SYT1: variants seen among roughly 807,000 people sequenced by gnomAD.
SYT1 encodes synaptotagmin-1.
A neutral mutation model predicts 44.8 loss-of-function variants in SYT1; 8 were observed. That is an observed-to-expected ratio of 0.18 (90% CI 0.10 to 0.32). The LOEUF is 0.32. Ranked by LOEUF, SYT1 falls within the 10% of genes least tolerant of loss-of-function variation. The pLI, the probability that SYT1 is intolerant of heterozygous loss-of-function variation, is 1.00. For synonymous variants in SYT1, 154 were observed against 188.8 expected (o/e 0.82, Z 1.51); for missense variants, 286 against 509.3 (o/e 0.56, Z 4.22).
At chr12:78,949,798 G>C (rs1168449230) in intron 1 of SYT1, among the ~76,000 whole-genome samples, 1 of 151,928 alleles carries the variant, frequency 6.6e-6, no homozygotes, top group Non-Finnish European at 1.5e-5. Context: ...GAGGATAGTA[G>C]GGCAGTTCCA....
intron 3 of SYT1, among the ~76,000 whole-genome samples, chr12:79,128,205 G>T (rs1868567466): frequency 6.6e-6 from 1 of 152,044 alleles, no homozygotes; most frequent in South Asian, 2.1e-4. Flanking sequence ...ACCAGCCTGG[G>T]CAACATAAGG....
At chr12:79,366,115 T>C (rs1220519820) in intron 9 of SYT1, among the ~76,000 whole-genome samples, 5 of 152,218 alleles carry the variant, frequency 3.3e-5, no homozygotes, top group African/African-American at 1.2e-4. Context: ...TAGAAAACAC[T>C]CCTGCATTTT....
At chr12:79,008,166 C>T (rs564321161) in intron 2 of SYT1, among the ~76,000 whole-genome samples, 67 of 152,052 alleles carry the variant, frequency 4.4e-4, no homozygotes, top group African/African-American at 1.5e-3. Flanking sequence ...CTGAAATGGT[C>T]ACCTCTTAGT....
intron 3 of SYT1, among the ~76,000 whole-genome samples, chr12:79,175,331 T>C (rs2138369415): frequency 6.6e-6 from 1 of 152,188 alleles, no homozygotes; most frequent in African/African-American, 2.4e-5. Context: ...CTCATCAGTA[T>C]AGGGATAATG....
At chr12:79,008,247 G>A (rs1871212997) in intron 2 of SYT1, among the ~76,000 whole-genome samples, 1 of 152,014 alleles carries the variant, frequency 6.6e-6, no homozygotes, top group Non-Finnish European at 1.5e-5. Flanking sequence ...GATTCAGCAT[G>A]TGCAAAAGTC....
At chr12:79,402,374 A>T (rs1423457212) in intron 9 of SYT1, among the ~76,000 whole-genome samples, 1 of 152,090 alleles carries the variant, frequency 6.6e-6, no homozygotes, top group African/African-American at 2.4e-5. Context: ...TGGGAGATAA[A>T]ATCTGGGTTT....
intron 1 of SYT1, among the ~76,000 whole-genome samples, chr12:78,878,977 A>T (rs994252643): frequency 2.0e-5 from 3 of 151,734 alleles, no homozygotes; most frequent in African/African-American, 7.3e-5. Flanking sequence ...ACCAGCAATT[A>T]TCTACTCTCA....
intron 4 of SYT1, among the ~76,000 whole-genome samples, chr12:79,275,796 A>G (rs1267144237): frequency 6.6e-6 from 1 of 152,172 alleles, no homozygotes; most frequent in African/African-American, 2.4e-5. Context: ...CCCAGTGAAA[A>G]AATACTGAGG....
chr12:79,127,663 G>A (rs1249920865), intron 3 of SYT1, among the ~76,000 whole-genome samples: 1 of 152,198 alleles, frequency 6.6e-6, no homozygotes, highest in East Asian at 1.9e-4. Context: ...CAACATGTCT[G>A]TTGTTTTCAT....
intron 3 of SYT1, among the ~76,000 whole-genome samples, chr12:79,133,275 T>G (rs1868971614): frequency 6.6e-6 from 1 of 152,090 alleles, no homozygotes; most frequent in Admixed American, 6.6e-5. Flanking sequence ...TCCCTGCACT[T>G]TGGGAGGCCG....
chr12:79,242,931 G>A (rs1876599129), intron 4 of SYT1, among the ~76,000 whole-genome samples: 1 of 152,288 alleles, frequency 6.6e-6, no homozygotes, highest in South Asian at 2.1e-4. Context: ...AATTTATAAA[G>A]AAAAGGAGAT....
At chr12:79,055,740 T>C (rs1370515795) in intron 3 of SYT1, among the ~76,000 whole-genome samples, 9 of 152,064 alleles carry the variant, frequency 5.9e-5, no homozygotes, top group African/African-American at 2.2e-4. Flanking sequence ...TTACAGAAAT[T>C]AATATAGTAA....
intron 3 of SYT1, 104 bp from the exon 4 acceptor site, chr12:79,217,399 G>A: frequency 2.1e-6 from 2 of 955,696 alleles, no homozygotes; most frequent in Non-Finnish European, 1.5e-6. Context: ...TTTACCCAGT[G>A]AGCAGGTGCC....
intron 1 of SYT1, among the ~76,000 whole-genome samples, chr12:78,975,384 CT>C (rs1250482755): frequency 1.3e-5 from 2 of 152,176 alleles, no homozygotes; most frequent in East Asian, 3.8e-4. Context: ...TGTACTTTCA[CT>C]GCTTTGCACC....
chr12:79,428,983 G>A (rs1465033460), intron 9 of SYT1, among the ~76,000 whole-genome samples: 1 of 152,056 alleles, frequency 6.6e-6, no homozygotes, highest in Non-Finnish European at 1.5e-5. Context: ...TGGGAGGAAA[G>A]TGCCAGGCTC....
intron 1 of SYT1, among the ~76,000 whole-genome samples, chr12:78,890,124 C>A (rs1290646063): frequency 1.3e-5 from 2 of 151,400 alleles, no homozygotes; most frequent in Admixed American, 6.6e-5. Flanking sequence ...ATATTTTTTT[C>A]TTTTCAAGCA....
intron 4 of SYT1, among the ~76,000 whole-genome samples, chr12:79,232,960 C>T (rs377089711): frequency 5.3e-5 from 8 of 152,188 alleles, no homozygotes; most frequent in African/African-American, 2.4e-5. Flanking sequence ...CTCTACTTTA[C>T]AATACATCTT....
intron 9 of SYT1, among the ~76,000 whole-genome samples, chr12:79,359,845 C>T (rs1467890701): frequency 2.0e-5 from 3 of 152,158 alleles, no homozygotes; most frequent in Admixed American, 2.0e-4. Context: ...AAGAGCAACT[C>T]ACCCAACCTC....
chr12:78,995,108 G>T (rs1015048325), intron 2 of SYT1, among the ~76,000 whole-genome samples: 7 of 152,044 alleles, frequency 4.6e-5, no homozygotes, highest in African/African-American at 1.7e-4. Context: ...GATTAAATAG[G>T]CCTGAACCAA....
Sources: gnomAD v4.1 joint callset for allele counts (sites outside exome capture counted in the v4.1 genomes callset) on GRCh38, gnomAD v4.1.1 for gene constraint, MANE v1.5 for transcripts, NCBI Gene and HGNC (gene_info 2026-07-23, HGNC 2026-07-21) for gene names.